The following FSTL5 variants were observed in gnomAD, a reference collection of about 807,000 sequenced individuals.
FSTL5 encodes the protein follistatin-related protein 5.
Under a neutral mutation model 89.1 loss-of-function variants are expected in FSTL5, and 62 were observed. The ratio of observed to expected loss-of-function variants is 0.70; its 90% confidence interval spans 0.57 to 0.86. The LOEUF is 0.86. FSTL5 is among the 40% of genes least tolerant of loss of function. The probability of loss-of-function intolerance (pLI) is 0.00; values close to 1 mark genes in which losing one functional copy is unlikely to be tolerated. For synonymous variants in FSTL5, 383 were observed against 346.2 expected, an observed-to-expected ratio of 1.11 and a Z score of -1.18; for missense variants, 1,057 against 1,001.6, an observed-to-expected ratio of 1.06 and a Z score of -0.75.
chr4:161,521,683 C>A (rs1731031774), intron 10 of FSTL5, among the ~76,000 whole-genome samples: 1 of 151,446 alleles, frequency 6.6e-6, no homozygotes, highest in South Asian at 2.1e-4. Flanking sequence ...CCCGTCTCTA[C>A]TAAAAATACA....
At chr4:161,736,877 A>G (rs372123266) in intron 6 of FSTL5, among the ~76,000 whole-genome samples, 36 of 152,152 alleles carry the variant, frequency 2.4e-4, no homozygotes, top group African/African-American at 8.4e-4. Flanking sequence ...GGAAATTGTA[A>G]ATAATAAAGA....
At chr4:161,635,855 C>A (rs528433614) in intron 7 of FSTL5, among the ~76,000 whole-genome samples, 2 of 152,064 alleles carry the variant, frequency 1.3e-5, no homozygotes, top group Non-Finnish European at 2.9e-5. Context: ...ACCATAAATG[C>A]AATTCATTTT....
At chr4:161,551,078 T>C (rs945628234) in intron 8 of FSTL5, among the ~76,000 whole-genome samples, 2 of 152,054 alleles carry the variant, frequency 1.3e-5, no homozygotes, top group African/African-American at 4.8e-5. Flanking sequence ...GCATGATTTA[T>C]AGTCCATTGA....
intron 3 of FSTL5, among the ~76,000 whole-genome samples, chr4:161,985,576 G>A (rs1308243723): frequency 6.6e-6 from 1 of 151,774 alleles, no homozygotes; most frequent in African/African-American, 2.4e-5. Flanking sequence ...AATGCATACA[G>A]TGGAATTTAA....
At chr4:161,644,338 C>G (rs549968601) in intron 7 of FSTL5, among the ~76,000 whole-genome samples, 2 of 152,040 alleles carry the variant, frequency 1.3e-5, no homozygotes, top group South Asian at 4.2e-4. Flanking sequence ...GCCAGCCTGG[C>G]CAATGTGGTG....
chr4:161,918,266 ATAAAG>A (rs1227412059), intron 4 of FSTL5, among the ~76,000 whole-genome samples: 5 of 152,160 alleles, frequency 3.3e-5, no homozygotes, highest in African/African-American at 1.2e-4. Flanking sequence ...TTCTGATGAA[ATAAAG>A]TAATTTTATG....
At position 161,714,574 on chromosome 4, in the gene FSTL5, C is replaced by T. The variant is rs186845660; in HGVS notation, c.727+44837G>A. On this transcript the variant is annotated intron_variant, in intron 6 of 15. Transcript: ENST00000306100. ...CACTCTCTAAGCTGGATTTGCTGTG[C>T]TGCTAACTGGATCCTTGCTTCCTAC... 3.1e-3 allele frequency among the ~76,000 whole-genome samples: 470 copies of T among 152,282 alleles called. 4 individuals carry two copies. The highest frequency in any genetic ancestry group is 4.7e-3 in the Non-Finnish European group (320 of 68,012).
At chr4:161,420,009 A>G (rs1355908262) in intron 15 of FSTL5, among the ~76,000 whole-genome samples, 1 of 152,232 alleles carries the variant, frequency 6.6e-6, no homozygotes, top group African/African-American at 2.4e-5. Flanking sequence ...GGGGTAATTG[A>G]GTTTGATCAC....
In FSTL5 at chr4:161,396,140, G is replaced by A. The variant is rs115397434; in HGVS notation, c.1842-9691C>T. Among the ~76,000 whole-genome samples the A allele has an allele frequency of 5.0e-3, 760 of 151,000 alleles. 3 individuals carry two copies. The highest frequency in any genetic ancestry group is 8.4e-3 in the Non-Finnish European group (569 of 67,784). ...TGATCATAAAAAAAAAAAACACTGC[G>A]AGAGAAGCCCACCCATCCCAGATAC... On this transcript the variant is annotated intron_variant, in intron 15 of 15. Transcript: ENST00000306100.
intron 6 of FSTL5, among the ~76,000 whole-genome samples, chr4:161,744,386 G>A (rs1469675684): frequency 1.3e-5 from 2 of 152,096 alleles, no homozygotes; most frequent in African/African-American, 4.8e-5. Flanking sequence ...TTGTTATGAT[G>A]TTGAATTATA....
chr4:161,685,612 G>C (rs1737683660), intron 6 of FSTL5, among the ~76,000 whole-genome samples: 1 of 152,140 alleles, frequency 6.6e-6, no homozygotes, highest in Admixed American at 6.5e-5. Flanking sequence ...CATTAATTTT[G>C]TATCTGGAAA....
At chr4:161,604,041 A>G (rs183470811) in intron 7 of FSTL5, among the ~76,000 whole-genome samples, 2 of 152,308 alleles carry the variant, frequency 1.3e-5, no homozygotes, top group East Asian at 1.9e-4. Flanking sequence ...ATGTCATTAT[A>G]CCTTCAAATC....
At chr4:161,483,615 A>C (rs1729589824) in intron 12 of FSTL5, among the ~76,000 whole-genome samples, 1 of 152,138 alleles carries the variant, frequency 6.6e-6, no homozygotes, top group African/African-American at 2.4e-5. Flanking sequence ...TTATGCTATT[A>C]TTTCTGATTA....
chr4:161,609,371 C>G (rs962068978), intron 7 of FSTL5, among the ~76,000 whole-genome samples: 1 of 152,094 alleles, frequency 6.6e-6, no homozygotes, highest in Non-Finnish European at 1.5e-5. Context: ...TTAGATTTAT[C>G]AGACTTCCTT....
intron 2 of FSTL5, among the ~76,000 whole-genome samples, chr4:162,074,363 T>A (rs976475009): frequency 2.6e-5 from 4 of 151,780 alleles, no homozygotes; most frequent in African/African-American, 9.7e-5. Flanking sequence ...TTGAGTCTTT[T>A]GTTTCTTCCT....
chr4:161,779,285 T>G (rs998003571), intron 4 of FSTL5, among the ~76,000 whole-genome samples: 1 of 152,132 alleles, frequency 6.6e-6, no homozygotes, highest in African/African-American at 2.4e-5. Context: ...CAAAAAAAAT[T>G]GCAGTTAAGG....
chr4:162,003,173 ATTATT>A (rs1354019921), intron 3 of FSTL5, among the ~76,000 whole-genome samples: 2 of 152,116 alleles, frequency 1.3e-5, no homozygotes, highest in Non-Finnish European at 2.9e-5. Context: ...GAAGCCATTT[ATTATT>A]TTATTTATCT....
intron 6 of FSTL5, among the ~76,000 whole-genome samples, chr4:161,687,549 C>G (rs1560790477): frequency 6.6e-6 from 1 of 152,122 alleles, no homozygotes; most frequent in Admixed American, 6.5e-5. Flanking sequence ...AGCCTCAATT[C>G]AACTAGGCAA....
chr4:161,399,826 C>G (rs1392121107), intron 15 of FSTL5, among the ~76,000 whole-genome samples: 2 of 152,014 alleles, frequency 1.3e-5, no homozygotes, highest in Non-Finnish European at 2.9e-5. Flanking sequence ...TAGGAGGTGG[C>G]TATTAAGTAG....
Sources: gnomAD v4.1 joint callset for allele counts (sites outside exome capture counted in the v4.1 genomes callset) on GRCh38, gnomAD v4.1.1 for gene constraint, MANE v1.5 for transcripts, NCBI Gene and HGNC (gene_info 2026-07-23, HGNC 2026-07-21) for gene names.